Variants in RGSL1 observed in about 807,000 individuals in gnomAD.
RGSL1 encodes regulator of G protein signaling protein-like.
RGSL1 carries 97 observed loss-of-function variants against 124.7 expected under a neutral mutation model. The observed-to-expected ratio is 0.78, with a 90% CI of 0.66 to 0.92. RGSL1 has a LOEUF of 0.92. Ranked by LOEUF, RGSL1 falls within the 40% of genes least tolerant of loss-of-function variation. The probability of loss-of-function intolerance (pLI) is 0.00; values close to 1 mark genes in which losing one functional copy is unlikely to be tolerated. For missense variants in RGSL1, 1,233 were observed against 1,288.4 expected, an observed-to-expected ratio of 0.96 and a Z score of 0.66; for synonymous variants, 424 against 438.1, an observed-to-expected ratio of 0.97 and a Z score of 0.40.
At chr1:182,450,129 CCCTA>C, upstream of RGSL1, 1 of 1,551,558 alleles carries the variant, frequency 6.4e-7, no homozygotes, top group Non-Finnish European at 8.7e-7. Flanking sequence ...GTAATTCTGC[CCCTA>C]ACAAATTACT....
chr1:182,530,256 A>AGT lies in RGSL1; in HGVS notation c.2142_2143dup (p.Asp715ValfsTer21). ...TTGCATTTTCTAGAAGAAATGCTGC[A>AGT]GTGTGATGCCCCTATTATCAAAGAA... On this transcript the variant is annotated frameshift_variant, in exon 12 of 22. Transcript: ENST00000294854. LOFTEE classifies it high-confidence loss of function. 6.5e-7 allele frequency: 1 copy of AGT among 1,550,360 alleles called. No homozygotes were observed. The highest frequency in any genetic ancestry group is 1.4e-5 in the African/African-American group (1 of 73,066).
At chr1:182,523,931 C>T (rs1658542621) in intron 10 of RGSL1, among the ~76,000 whole-genome samples, 1 of 152,094 alleles carries the variant, frequency 6.6e-6, no homozygotes, top group Non-Finnish European at 1.5e-5. Context: ...TCAGAAGATG[C>T]TCAGAATAAC....
intron 15 of RGSL1, among the ~76,000 whole-genome samples, chr1:182,541,076 T>C (rs1486445629): frequency 6.6e-6 from 1 of 152,204 alleles, no homozygotes; most frequent in Non-Finnish European, 1.5e-5. Flanking sequence ...ATCTTCCTTA[T>C]TTTTTCTTTA....
chr1:182,463,533 T>A (rs1221369021), intron 4 of RGSL1, among the ~76,000 whole-genome samples: 6 of 152,240 alleles, frequency 3.9e-5, no homozygotes, highest in African/African-American at 9.6e-5. Context: ...AAATAGACTT[T>A]ATTTAATTTA....
intron 6 of RGSL1, among the ~76,000 whole-genome samples, chr1:182,476,593 C>G (rs1654306622): frequency 6.6e-6 from 1 of 152,084 alleles, no homozygotes; most frequent in Admixed American, 6.5e-5. Context: ...CATTTACATG[C>G]CAACCACAGT....
rs188649128 is a variant in RGSL1 at position 182,472,351 on chromosome 1, G to A, written c.302-45G>A. The A allele has an allele frequency of 8.0e-6, 12 of 1,490,950 alleles. No homozygotes were observed. In the African/African-American group the frequency reaches 1.2e-4, roughly 15 times the overall value. The allele number at this position is 1,490,950 out of a possible 1,614,324, so 92.4% of individuals were successfully genotyped here. On this transcript the variant is annotated intron_variant, in intron 4 of 21. Coordinates refer to ENST00000294854, the MANE Select transcript of RGSL1 (RefSeq NM_001137669.2). ...TCACCCAGATGCAACCACCAAAGGG[G>A]CAAAACTAGGGTATAGCTCTGTGCC...
At chr1:182,509,534 G>C (rs867103347) in intron 9 of RGSL1, among the ~76,000 whole-genome samples, 2 of 104,796 alleles carry the variant, frequency 1.9e-5, no homozygotes, top group East Asian at 2.6e-4. Flanking sequence ...CTGGCCGGGT[G>C]GGGGGGCTGA....
intron 8 of RGSL1, among the ~76,000 whole-genome samples, chr1:182,490,423 C>T (rs376299771): frequency 3.3e-5 from 5 of 152,258 alleles, no homozygotes; most frequent in Admixed American, 6.5e-5. Flanking sequence ...ATGTAACATC[C>T]GGCTCTTTTT....
intron 9 of RGSL1, among the ~76,000 whole-genome samples, chr1:182,506,806 C>G (rs1656839544): frequency 1.3e-5 from 2 of 152,060 alleles, no homozygotes; most frequent in South Asian, 4.1e-4. Flanking sequence ...GTACATGTGA[C>G]AATTAAACAC....
At chr1:182,509,587 G>A (rs1242042190) in intron 9 of RGSL1, among the ~76,000 whole-genome samples, 1 of 130,318 alleles carries the variant, frequency 7.7e-6, no homozygotes, top group African/African-American at 3.1e-5. Context: ...GCCAGGCTGA[G>A]GGGCTCCTCA....
intron 15 of RGSL1, among the ~76,000 whole-genome samples, chr1:182,544,775 T>G (rs1660106514): frequency 6.6e-6 from 1 of 152,078 alleles, no homozygotes; most frequent in Non-Finnish European, 1.5e-5. Flanking sequence ...GTCTTCAACT[T>G]GTAGCCTATT....
chr1:182,493,008 T>C lies in RGSL1; in HGVS notation c.1718-14T>C, dbSNP rs754207956. ...GACAACTAAACTCTATCTCTGTTTT[T>C]CCTTACTTCACAGACATAACTAAAA... On this transcript the variant is annotated splice_polypyrimidine_tract_variant and intron_variant, in intron 8 of 21. Transcript: ENST00000294854. 8.6e-6 allele frequency: 13 copies of C among 1,504,452 alleles called. No homozygotes were observed. In the South Asian group the frequency reaches 1.6e-4, roughly 18 times the overall value. The allele number at this position is 1,504,452 out of a possible 1,614,324, so 93.2% of individuals were successfully genotyped here. A position where few individuals can be genotyped will look rare whatever the true frequency, so the allele number is the denominator to read the frequency against.
intron 4 of RGSL1, among the ~76,000 whole-genome samples, chr1:182,464,000 A>G (rs1337951490): frequency 6.6e-6 from 1 of 152,232 alleles, no homozygotes; most frequent in Non-Finnish European, 1.5e-5. Context: ...GACAACATAC[A>G]AAGTATCTTC....
chr1:182,462,078 T>G (rs977631778), intron 4 of RGSL1, among the ~76,000 whole-genome samples: 1 of 152,138 alleles, frequency 6.6e-6, no homozygotes, highest in Non-Finnish European at 1.5e-5. Context: ...TACTCTTGAA[T>G]GCCAAAGACA....
chr1:182,468,918 G>A (rs1653580730), intron 4 of RGSL1, among the ~76,000 whole-genome samples: 1 of 151,936 alleles, frequency 6.6e-6, no homozygotes, highest in South Asian at 2.1e-4. Flanking sequence ...CATTCAATGG[G>A]GAAAGGACCA....
At chr1:182,526,437 G>T (rs547025939) in intron 10 of RGSL1, among the ~76,000 whole-genome samples, 3 of 152,248 alleles carry the variant, frequency 2.0e-5, no homozygotes, top group African/African-American at 7.2e-5. Context: ...GGAAGCTGAG[G>T]TAGGCAGATT....
intron 9 of RGSL1, among the ~76,000 whole-genome samples, chr1:182,514,957 C>A (rs1657748983): frequency 6.6e-6 from 1 of 152,156 alleles, no homozygotes; most frequent in Non-Finnish European, 1.5e-5. Flanking sequence ...GAGCTGGTTG[C>A]CCATTTTGAA....
chr1:182,539,388 T>G (rs373766883), intron 14 of RGSL1, among the ~76,000 whole-genome samples: 1 of 152,132 alleles, frequency 6.6e-6, no homozygotes, highest in East Asian at 1.9e-4. Flanking sequence ...GTCTGAGACA[T>G]GACAAGTGCT....
Position 182,551,139 on chromosome 1 carries a change from T to C in RGSL1, c.2973T>C (p.Tyr991=), listed in dbSNP as rs1361956146. The part of the protein sequence containing the change: ...FWKATRSYLQ[Y]RGKKFKDRKS... ...AGGCAACCCGCTCTTACTTACAGTA[T>C]AGGGGGAAGAAGTTCAAGGACAGAA... The change falls in exon 18 of 22, where the codon TAT becomes TAC. Residue 991 remains tyrosine (Y), a synonymous_variant. Transcript: ENST00000294854. 3.9e-6 allele frequency: 6 copies of C among 1,551,692 alleles called. No homozygotes were observed. Among genetic ancestry groups the C allele is most frequent in the South Asian group, 1.2e-5 (1 of 84,058 alleles).
Sources: gnomAD v4.1 joint callset for allele counts (sites outside exome capture counted in the v4.1 genomes callset) on GRCh38, gnomAD v4.1.1 for gene constraint, MANE v1.5 for transcripts, NCBI Gene and HGNC (gene_info 2026-07-23, HGNC 2026-07-21) for gene names.